SORCS2: variants seen among roughly 807,000 people sequenced by gnomAD.
SORCS2 encodes VPS10 domain-containing receptor SorCS2.
In SORCS2, 100 loss-of-function variants were observed where a neutral mutation model predicts 141.6. The observed-to-expected ratio is 0.71, with a 90% CI of 0.60 to 0.83. The LOEUF (loss-of-function observed/expected upper bound fraction) is 0.83, where lower values mean the gene tolerates loss of function less well. SORCS2 is among the 40% of genes least tolerant of loss of function. SORCS2 has a pLI of 0.00. For missense variants in SORCS2, 1,646 were observed against 1,560.2 expected, an observed-to-expected ratio of 1.05 and a Z score of -0.93; for synonymous variants, 789 against 676.9, an observed-to-expected ratio of 1.17 and a Z score of -2.57.
chr4:7,437,684 C>T (rs1057452299), intron 2 of SORCS2, among the ~76,000 whole-genome samples: 1 of 151,726 alleles, frequency 6.6e-6, no homozygotes, highest in Non-Finnish European at 1.5e-5. Context: ...GGTTGGAGCT[C>T]TGTGCCAGAA....
intron 2 of SORCS2, among the ~76,000 whole-genome samples, chr4:7,490,522 G>T (rs560290547): frequency 1.3e-5 from 2 of 151,982 alleles, no homozygotes; most frequent in African/African-American, 4.8e-5. Flanking sequence ...TGCCAGGGAG[G>T]TGGGGCTGCC....
At chr4:7,498,441 A>C (rs1731764440) in intron 2 of SORCS2, among the ~76,000 whole-genome samples, 1 of 152,196 alleles carries the variant, frequency 6.6e-6, no homozygotes, top group Non-Finnish European at 1.5e-5. Context: ...GCAGCAAATC[A>C]CTGCTGGGCG....
intron 2 of SORCS2, among the ~76,000 whole-genome samples, chr4:7,399,119 C>G (rs1055338836): frequency 3.3e-5 from 5 of 152,102 alleles, no homozygotes; most frequent in Non-Finnish European, 7.4e-5. Context: ...AATTACTACT[C>G]ACATTTTCTC....
chr4:7,532,758 C>T (rs747524538), intron 3 of SORCS2, among the ~76,000 whole-genome samples: 2 of 150,646 alleles, frequency 1.3e-5, no homozygotes, highest in South Asian at 2.1e-4. Context: ...GTCTCAGCCA[C>T]GTTTGTTCAT....
chr4:7,242,021 G>C (rs1011348529), intron 1 of SORCS2, among the ~76,000 whole-genome samples: 6 of 152,154 alleles, frequency 3.9e-5, no homozygotes, highest in African/African-American at 1.4e-4. Context: ...CCGTTTGACT[G>C]GCGAGGAAGC....
intron 8 of SORCS2, among the ~76,000 whole-genome samples, chr4:7,675,397 C>T (rs908595654): frequency 6.6e-5 from 10 of 152,142 alleles, no homozygotes; most frequent in East Asian, 3.9e-4. Flanking sequence ...TGGCAGGGAC[C>T]GGCACAGGGG....
At chr4:7,273,108 T>C (rs1715252776) in intron 1 of SORCS2, among the ~76,000 whole-genome samples, 1 of 152,244 alleles carries the variant, frequency 6.6e-6, no homozygotes, top group Admixed American at 6.5e-5. Context: ...GGGGAAGGAC[T>C]TCTAGTTTTC....
At chr4:7,300,371 C>T (rs1219639923) in intron 1 of SORCS2, among the ~76,000 whole-genome samples, 2 of 152,078 alleles carry the variant, frequency 1.3e-5, no homozygotes, top group African/African-American at 2.4e-5. Context: ...AGAGAAAAAG[C>T]GAAGGACTTC....
At chr4:7,660,245 G>C (rs1026904499) in intron 5 of SORCS2, among the ~76,000 whole-genome samples, 5 of 152,186 alleles carry the variant, frequency 3.3e-5, no homozygotes, top group Admixed American at 2.0e-4. Context: ...GCAATGAAAC[G>C]GGGAGGGGAG....
intron 18 of SORCS2, 49 bp from the exon 19 acceptor site, chr4:7,723,648 C>T: frequency 6.2e-7 from 1 of 1,602,390 alleles, no homozygotes; most frequent in Non-Finnish European, 8.5e-7. Context: ...ACTCTGGCCC[C>T]TCAGCTTCAA....
intron 1 of SORCS2, among the ~76,000 whole-genome samples, chr4:7,317,493 G>A (rs753402932): frequency 1.3e-5 from 2 of 152,190 alleles, no homozygotes. Flanking sequence ...GCCTGCCACC[G>A]CCCTGTGCTT....
intron 3 of SORCS2, among the ~76,000 whole-genome samples, chr4:7,618,509 C>T (rs866513767): frequency 3.0e-4 from 45 of 152,128 alleles, no homozygotes; most frequent in African/African-American, 8.9e-4. Context: ...GCTCCCGGGC[C>T]CGCACTCTGC....
At chr4:7,252,215 G>A (rs1713553792) in intron 1 of SORCS2, among the ~76,000 whole-genome samples, 6 of 152,224 alleles carry the variant, frequency 3.9e-5, no homozygotes, top group Admixed American at 3.9e-4. Context: ...GGAGGCCCGA[G>A]GCAGGAGAGT....
intron 2 of SORCS2, among the ~76,000 whole-genome samples, chr4:7,479,063 C>T (rs1046994313): frequency 6.6e-6 from 1 of 152,076 alleles, no homozygotes; most frequent in African/African-American, 2.4e-5. Flanking sequence ...CTGTGTTCCT[C>T]ATGGCAATGG....
intron 2 of SORCS2, among the ~76,000 whole-genome samples, chr4:7,498,235 C>G (rs1469123829): frequency 1.3e-5 from 2 of 152,190 alleles, no homozygotes; most frequent in African/African-American, 4.8e-5. Context: ...TGTGGGCCAA[C>G]CTCTCACGCC....
intron 5 of SORCS2, among the ~76,000 whole-genome samples, chr4:7,657,594 CGGGTGAGTGAGT>C (rs1363265784): frequency 2.0e-5 from 3 of 151,588 alleles, no homozygotes; most frequent in Admixed American, 6.6e-5. Flanking sequence ...AATGAATGAG[CGGGTGAGTGAGT>C]GGGTGAGTGA....
At chr4:7,677,920 G>T (rs1405109795) in intron 9 of SORCS2, among the ~76,000 whole-genome samples, 9 of 152,120 alleles carry the variant, frequency 5.9e-5, no homozygotes, top group Non-Finnish European at 1.3e-4. Flanking sequence ...TTCCAGCACA[G>T]ACCTGCCTCC....
chr4:7,681,635 C>T (rs561711695), intron 9 of SORCS2, among the ~76,000 whole-genome samples: 61 of 152,308 alleles, frequency 4.0e-4, no homozygotes, highest in African/African-American at 1.4e-3. Flanking sequence ...TTGTGACCAT[C>T]TGTTATAGCA....
In SORCS2 at chr4:7,619,770, C is replaced by T. The variant is rs117263261; in HGVS notation, c.649-18558C>T. 1.1e-3 allele frequency among the ~76,000 whole-genome samples: 164 copies of T among 152,250 alleles called. 3 individuals are homozygous for T. In the East Asian group the frequency reaches 0.03, roughly 28 times the overall value. On this transcript the variant is annotated intron_variant, in intron 3 of 26. Transcript: ENST00000507866. ...TGAGCCCAACACACAGGTATCAGGC[C>T]GATACTCACGTGGCATAGTGCCCGA...
Sources: allele counts gnomAD v4.1 joint callset (sites outside exome capture counted in the v4.1 genomes callset), GRCh38; gene constraint gnomAD v4.1.1; transcripts MANE v1.5; gene names NCBI Gene and HGNC (gene_info 2026-07-23, HGNC 2026-07-21).